The following AGTPBP1 variants were observed in gnomAD, a reference collection of about 807,000 sequenced individuals.
The protein encoded by AGTPBP1 is cytosolic carboxypeptidase 1.
In AGTPBP1, 70 loss-of-function variants were observed where a neutral mutation model predicts 143.9. The ratio of observed to expected loss-of-function variants is 0.49; its 90% confidence interval spans 0.40 to 0.59. The LOEUF (loss-of-function observed/expected upper bound fraction) is 0.59. Ranked by LOEUF, AGTPBP1 falls within the 20% of genes least tolerant of loss-of-function variation. The probability of loss-of-function intolerance (pLI) is 0.00; values close to 1 mark genes in which losing one functional copy is unlikely to be tolerated. For missense variants in AGTPBP1, 1,229 were observed against 1,464.5 expected (o/e 0.84, Z 2.62); for synonymous variants, 463 against 500.2 (o/e 0.93, Z 0.99).
At chr9:85,708,210 T>C (rs567817382) in intron 2 of AGTPBP1, among the ~76,000 whole-genome samples, 1 of 152,172 alleles carries the variant, frequency 6.6e-6, no homozygotes, top group South Asian at 2.1e-4. Context: ...CCTAACCTTT[T>C]GCTTCCATCA....
chr9:85,785,913 G>A, the AGTPBP1 span: 2 of 485,356 alleles, frequency 4.1e-6, no homozygotes, highest in Non-Finnish European at 7.3e-6. Flanking sequence ...CATGCAAGAT[G>A]CCTGTAAGTG....
intron 11 of AGTPBP1, among the ~76,000 whole-genome samples, chr9:85,648,125 C>T (rs142222114): frequency 1.3e-5 from 2 of 152,306 alleles, no homozygotes; most frequent in African/African-American, 4.8e-5. Flanking sequence ...AGCTATTTGA[C>T]CTTGAGCAAG....
At chr9:85,597,700 C>T (rs994168343) in intron 17 of AGTPBP1, among the ~76,000 whole-genome samples, 3 of 152,042 alleles carry the variant, frequency 2.0e-5, no homozygotes, top group Admixed American at 1.3e-4. Context: ...TTTTATTATA[C>T]TTCACAGTTT....
chr9:85,632,777 C>A lies in AGTPBP1; in HGVS notation c.1900G>T (p.Val634Leu), dbSNP rs368647914. 6.2e-7 allele frequency: 1 copy of A among 1,614,010 alleles called. No individual in the cohort carries two copies. Among genetic ancestry groups the A allele is most frequent in the African/African-American group, 1.3e-5 (1 of 74,922 alleles). ...LHDPDLYIEI[V>L]KNTKSVPEYS... is the part of the protein sequence containing the mutation. ...TCTGGGACAGACTTCGTATTTTTCA[C>A]AATCTCAATATAGAGGTCTGGGTCA... Residue 634 changes from valine to leucine, a missense_variant, in exon 14 of 26, where the codon GTG becomes TTG. Val to Leu is a conservative substitution (Grantham distance 32). Transcript: ENST00000357081.
At chr9:85,778,278 C>T in the AGTPBP1 span, among the ~76,000 whole-genome samples, 1 of 152,180 alleles carries the variant, frequency 6.6e-6, no homozygotes, top group East Asian at 1.9e-4. Context: ...GACTTGATGA[C>T]CCATAGTCAA....
At chr9:85,701,308 C>A (rs1412184103) in intron 2 of AGTPBP1, among the ~76,000 whole-genome samples, 2 of 151,620 alleles carry the variant, frequency 1.3e-5, no homozygotes, top group African/African-American at 4.9e-5. Flanking sequence ...TGGCTCACTG[C>A]AACCTCTGCT....
chr9:85,583,695 T>C (rs1828426676), intron 23 of AGTPBP1, among the ~76,000 whole-genome samples: 2 of 152,128 alleles, frequency 1.3e-5, no homozygotes, highest in Non-Finnish European at 2.9e-5. Flanking sequence ...TGCATTTACC[T>C]TCCCACATGT....
intron 14 of AGTPBP1, among the ~76,000 whole-genome samples, chr9:85,628,007 A>G (rs1382448251): frequency 6.6e-6 from 1 of 152,216 alleles, no homozygotes; most frequent in African/African-American, 2.4e-5. Context: ...CAACCTCTGC[A>G]TTGTTCAAGG....
At chr9:85,711,660 G>A (rs1028802644) in intron 2 of AGTPBP1, among the ~76,000 whole-genome samples, 2 of 151,774 alleles carry the variant, frequency 1.3e-5, no homozygotes, top group Non-Finnish European at 2.9e-5. Context: ...GACTGGTCTC[G>A]AACTCCTGAC....
Position 85,677,922 on chromosome 9 carries a change from T to C in AGTPBP1, c.290-340A>G, listed in dbSNP as rs576955893. ...GGGAGTCTGAGGCAGGAGAATCTCT[T>C]GAACCTAGGAGGCAGAGGTGGCAGT... On this transcript the variant is annotated intron_variant, in intron 5 of 25. Coordinates refer to ENST00000357081, the MANE Select transcript of AGTPBP1 (RefSeq NM_001330701.2). Among the ~76,000 whole-genome samples, 3 of 152,294 alleles carry C rather than the reference T, an allele frequency of 2.0e-5. No homozygotes were observed. The South Asian group carries it at 6.2e-4, about 32-fold the overall frequency.
At chr9:85,596,293 C>G in intron 18 of AGTPBP1, 69 bp downstream of exon 18, 1 of 1,066,418 alleles carries the variant, frequency 9.4e-7, no homozygotes, top group South Asian at 1.5e-5. Flanking sequence ...TCCTTTTACA[C>G]TGAAACAGGA....
At chr9:85,636,996 A>ATAGGTATT (rs1178624093) in intron 13 of AGTPBP1, among the ~76,000 whole-genome samples, 5 of 151,796 alleles carry the variant, frequency 3.3e-5, no homozygotes, top group Non-Finnish European at 5.9e-5. Flanking sequence ...AAGTTCACTG[A>ATAGGTATT]TAGGTATTTA....
intron 25 of AGTPBP1, among the ~76,000 whole-genome samples, chr9:85,560,606 A>C (rs1308936237): frequency 1.3e-5 from 2 of 152,204 alleles, no homozygotes; most frequent in Non-Finnish European, 2.9e-5. Context: ...AAATCCCCTA[A>C]GGAGTCTTTG....
chr9:85,764,958 G>A, the AGTPBP1 span: 5 of 795,972 alleles, frequency 6.3e-6, no homozygotes, highest in African/African-American at 6.8e-5. Flanking sequence ...TGGAGGTGCT[G>A]TATGATGGAT....
chr9:85,786,164 G>T, the AGTPBP1 span: 2 of 1,602,294 alleles, frequency 1.2e-6, no homozygotes, highest in African/African-American at 1.3e-5. Flanking sequence ...GAATTAAAAT[G>T]GGCATCCAGA....
intron 17 of AGTPBP1, among the ~76,000 whole-genome samples, chr9:85,616,427 G>A (rs557081490): frequency 6.6e-6 from 1 of 151,968 alleles, no homozygotes; most frequent in African/African-American, 2.4e-5. Context: ...AAGAAACAGA[G>A]AAGCATTGCT....
At position 85,629,246 on chromosome 9, in the gene AGTPBP1, A is replaced by G. The variant is rs186123859; in HGVS notation, c.2015+3416T>C. Among the ~76,000 whole-genome samples, 5 of 152,338 alleles carry G rather than the reference A, an allele frequency of 3.3e-5. No individual in the cohort carries two copies. In the East Asian group the frequency reaches 9.6e-4, roughly 29 times the overall value. ...CTGTACACAGGCAGTAAGAATGTCA[A>G]TTACTTCAGGAAAAAGTCCTACAGA... On this transcript the variant is annotated intron_variant, in intron 14 of 25. Transcript: ENST00000357081.
intron 1 of AGTPBP1, among the ~76,000 whole-genome samples, chr9:85,738,868 T>C (rs1385529627): frequency 6.6e-6 from 1 of 152,054 alleles, no homozygotes; most frequent in Non-Finnish European, 1.5e-5. Context: ...AAAGTCCTTT[T>C]TCTGCTTACT....
At position 85,681,575 on chromosome 9, in the gene AGTPBP1, C is replaced by T. The variant is rs567038529; in HGVS notation, c.158-240G>A. ...GCTCCTGTCATGAATTAGGTGATTC[C>T]TATTCATCCATTTAAAATCTTAAAA... On this transcript the variant is annotated intron_variant, in intron 3 of 25. Coordinates refer to ENST00000357081, the MANE Select transcript of AGTPBP1 (RefSeq NM_001330701.2). 9.2e-5 allele frequency among the ~76,000 whole-genome samples: 14 copies of T among 152,102 alleles called. 1 individual carries two copies. The South Asian group carries it at 1.5e-3, about 16-fold the overall frequency.
Sources: allele counts gnomAD v4.1 joint callset (sites outside exome capture counted in the v4.1 genomes callset), GRCh38; gene constraint gnomAD v4.1.1; transcripts MANE v1.5; gene names NCBI Gene and HGNC (gene_info 2026-07-23, HGNC 2026-07-21).